RAB23: variants seen among roughly 807,000 people sequenced by gnomAD.
The protein encoded by RAB23 is ras-related protein Rab-23.
RAB23 carries 15 observed loss-of-function variants against 30.0 expected under a neutral mutation model. The observed-to-expected ratio is 0.50, with a 90% confidence interval of 0.33 to 0.77. RAB23 has a LOEUF of 0.77. Among genes scored for constraint, RAB23 ranks in the 30% least tolerant of loss-of-function variants. The pLI is 0.02. For synonymous variants in RAB23, 93 were observed against 94.0 expected (o/e 0.99, Z 0.06); for missense variants, 243 against 275.4 (o/e 0.88, Z 0.83).
At chr6:57,211,167 T>C (rs1229850776) in intron 1 of RAB23, among the ~76,000 whole-genome samples, 3 of 152,130 alleles carry the variant, frequency 2.0e-5, no homozygotes, top group Admixed American at 1.3e-4. Flanking sequence ...TACATGCAAA[T>C]AGGGCAGGTG....
At chr6:57,208,289 CT>C (rs1765520187) in intron 2 of RAB23, among the ~76,000 whole-genome samples, 1 of 152,054 alleles carries the variant, frequency 6.6e-6, no homozygotes, top group Admixed American at 6.6e-5. Context: ...GCCTGTTCTC[CT>C]TTCCCGACAT....
chr6:57,199,685 GAATGGTACACA>G (rs1765167434), intron 3 of RAB23, among the ~76,000 whole-genome samples: 1 of 152,110 alleles, frequency 6.6e-6, no homozygotes, highest in South Asian at 2.1e-4. Context: ...TCTATAGAAA[GAATGGTACACA>G]AATCTCCAAA....
At chr6:57,201,856 A>C (rs555068125) in intron 3 of RAB23, among the ~76,000 whole-genome samples, 4 of 152,320 alleles carry the variant, frequency 2.6e-5, no homozygotes, top group African/African-American at 7.2e-5. Flanking sequence ...TACTGCCTGG[A>C]GTCAACTTTC....
intron 1 of RAB23, among the ~76,000 whole-genome samples, chr6:57,217,388 C>T (rs1471354993): frequency 6.6e-6 from 1 of 152,004 alleles, no homozygotes; most frequent in Admixed American, 6.5e-5. Context: ...CTCGGCTCAC[C>T]GCAACCTCCC....
At chr6:57,219,755 C>T (rs1216272069) in intron 1 of RAB23, among the ~76,000 whole-genome samples, 1 of 152,138 alleles carries the variant, frequency 6.6e-6, no homozygotes, top group African/African-American at 2.4e-5. Context: ...AACTGGACAT[C>T]CATATGCAAA....
At chr6:57,207,754 T>C (rs1305061797) in intron 2 of RAB23, 41 bp from the exon 3 acceptor site, 1 of 1,344,860 alleles carries the variant, frequency 7.4e-7, no homozygotes, top group Admixed American at 1.7e-5. Context: ...TAAAGGAAAA[T>C]GTTTTTGGTA....
At position 57,193,911 on chromosome 6, in the gene RAB23, A is replaced by G. The variant is rs767528393; in HGVS notation, c.505T>C (p.Tyr169His). 59 of 1,612,730 alleles carry G rather than the reference A, an allele frequency of 3.7e-5. No homozygotes were observed. The highest frequency in any genetic ancestry group is 1.7e-4 in the Middle Eastern group (1 of 6,052). ...NEVFKYLAEK[Y>H]LQKLKQQIAE... is the part of the protein sequence containing the mutation. ...ATTTGTTGTTTGAGTTTCTGAAGGT[A>G]TTTTTCAGCCAAATACTTAAAAACT... Residue 169 changes from tyrosine to histidine, a missense_variant, in exon 6 of 7, where the codon TAC becomes CAC. Coordinates refer to ENST00000468148, the MANE Select transcript of RAB23 (RefSeq NM_016277.5).
At position 57,187,739 on chromosome 6, in the gene RAB23, A is replaced by G. The variant is rs571419463; in HGVS notation, c.*2722T>C. On this transcript the variant is annotated 3_prime_UTR_variant, in exon 7 of 7. Transcript: ENST00000468148. The stretch of plus-strand genomic sequence containing the variant: ...CCTAAAACTCACAGGTCCAAGGAGT[A>G]CATGTTATTTATTGAGAGTTCCTTC... The G allele has an allele frequency of 2.6e-5, 4 of 152,314 alleles. No individual in the cohort carries two copies. The East Asian group carries it at 7.7e-4, about 29-fold the overall frequency. The allele number at this position is 152,314 out of a possible 1,614,324, so 9.4% of individuals were successfully genotyped here.
intron 3 of RAB23, among the ~76,000 whole-genome samples, chr6:57,201,084 C>T (rs1373851654): frequency 7.3e-6 from 1 of 136,904 alleles, no homozygotes; most frequent in East Asian, 2.0e-4. Context: ...TTTTCTCTCT[C>T]TCTTTTTTTT....
intron 1 of RAB23, among the ~76,000 whole-genome samples, chr6:57,214,341 GTC>G (rs1308234909): frequency 6.6e-6 from 1 of 151,950 alleles, no homozygotes; most frequent in East Asian, 1.9e-4. Flanking sequence ...TTTAGACAGT[GTC>G]TCATTCTACA....
chr6:57,191,053 C>A (rs1764820882), intron 6 of RAB23, among the ~76,000 whole-genome samples: 1 of 152,196 alleles, frequency 6.6e-6, no homozygotes, highest in South Asian at 2.1e-4. Flanking sequence ...GCATTTCCTT[C>A]CTTTTTAAGG....
At chr6:57,212,510 T>A (rs181048282) in intron 1 of RAB23, among the ~76,000 whole-genome samples, 1 of 152,238 alleles carries the variant, frequency 6.6e-6, no homozygotes, top group East Asian at 1.9e-4. Flanking sequence ...GATTTTACAA[T>A]CAGGTAAGTG....
chr6:57,196,519 T>C lies in RAB23; in HGVS notation c.329A>G (p.Glu110Gly), dbSNP rs1208023116. 3 of 1,614,046 alleles carry C rather than the reference T, an allele frequency of 1.9e-6. No individual in the cohort carries two copies. The Admixed American group carries it at 5.0e-5, about 27-fold the overall frequency. ...AAGTACAGTTGGTATATCTCCCACT[T>C]CGGCTACTACTTTCTCTCTCCAACT... is the stretch of plus-strand genomic sequence containing the variant. ...VSSWREKVVAEVGDIPTVLVQ... is the reference protein window; with the variant it reads ...VSSWREKVVAGVGDIPTVLVQ... The change falls in exon 4 of 7, where the codon GAA (glutamate) becomes GGA (glycine). Residue 110 changes from glutamate to glycine, a missense_variant. Coordinates refer to ENST00000468148, the MANE Select transcript of RAB23 (RefSeq NM_016277.5).
intron 1 of RAB23, 112 bp downstream of exon 1, chr6:57,221,614 C>G (rs79714683): frequency 0.14 from 22,080 of 152,454 alleles, 1,709 homozygotes; most frequent in Middle Eastern, 0.18. Context: ...CGCCCCTTCC[C>G]CAGTCGGGAC....
At chr6:57,201,522 T>C (rs1010343884) in intron 3 of RAB23, among the ~76,000 whole-genome samples, 1 of 152,222 alleles carries the variant, frequency 6.6e-6, no homozygotes, top group Non-Finnish European at 1.5e-5. Context: ...TTACTGCTCT[T>C]AGCTCATATT....
intron 5 of RAB23, 123 bp from the exon 6 acceptor site, chr6:57,194,057 A>C: frequency 7.2e-7 from 1 of 1,391,226 alleles, no homozygotes; most frequent in Admixed American, 2.6e-5. Flanking sequence ...AGGAGCATAC[A>C]ATCTAGTTAA....
intron 2 of RAB23, among the ~76,000 whole-genome samples, chr6:57,208,567 A>G (rs1229559446): frequency 1.5e-5 from 2 of 135,890 alleles, no homozygotes; most frequent in Non-Finnish European, 3.1e-5. Context: ...GAATCGCTTG[A>G]GCCTGGGAGG....
intron 6 of RAB23, among the ~76,000 whole-genome samples, chr6:57,191,387 T>C (rs902165078): frequency 6.6e-6 from 1 of 152,228 alleles, no homozygotes; most frequent in Non-Finnish European, 1.5e-5. Flanking sequence ...TTCTACACAA[T>C]GTTCTGCATC....
chr6:57,201,295 C>G (rs1765244683), intron 3 of RAB23, among the ~76,000 whole-genome samples: 1 of 152,122 alleles, frequency 6.6e-6, no homozygotes, highest in Non-Finnish European at 1.5e-5. Context: ...GTTGGCCAGG[C>G]TGGTCTTGAA....
Sources: allele counts gnomAD v4.1 joint callset (sites outside exome capture counted in the v4.1 genomes callset), GRCh38; gene constraint gnomAD v4.1.1; transcripts MANE v1.5; gene names NCBI Gene and HGNC (gene_info 2026-07-23, HGNC 2026-07-21).